LINGO2: variants seen among roughly 807,000 people sequenced by gnomAD.
The protein encoded by LINGO2 is leucine-rich repeat and immunoglobulin-like domain-containing nogo receptor-interacting protein 2.
In LINGO2, 14 loss-of-function variants were observed where a neutral mutation model predicts 30.6. The ratio of observed to expected loss-of-function variants is 0.46; its 90% CI spans 0.30 to 0.72. The LOEUF (loss-of-function observed/expected upper bound fraction) is 0.72, where lower values mean the gene tolerates loss of function less well. Among genes scored for constraint, LINGO2 ranks in the 30% least tolerant of loss-of-function variants. The pLI, the probability that LINGO2 is intolerant of heterozygous loss-of-function variation, is 0.07. For synonymous variants in LINGO2, 317 were observed against 288.5 expected (o/e 1.10, Z -1.00); for missense variants, 729 against 751.7 (o/e 0.97, Z 0.35).
chr9:27,963,891 C>A (rs1032733943), intron 5 of LINGO2, among the ~76,000 whole-genome samples: 2 of 151,952 alleles, frequency 1.3e-5, no homozygotes, highest in African/African-American at 4.8e-5. Context: ...TTGTATAAAA[C>A]ATTTTAAAAC....
the LINGO2 span, among the ~76,000 whole-genome samples, chr9:29,019,050 T>C: frequency 1.1e-3 from 174 of 152,312 alleles, no homozygotes; most frequent in African/African-American, 4.1e-3. Flanking sequence ...TTTTTAAGTA[T>C]ATAAAATATA....
intron 1 of LINGO2, among the ~76,000 whole-genome samples, chr9:28,505,080 A>C (rs1442287689): frequency 6.6e-6 from 1 of 151,930 alleles, no homozygotes; most frequent in Admixed American, 6.6e-5. Context: ...TGAAAAAATA[A>C]AGTTGGCTTT....
At chr9:28,724,637 A>G in the LINGO2 span, among the ~76,000 whole-genome samples, 2 of 152,136 alleles carry the variant, frequency 1.3e-5, no homozygotes, top group Non-Finnish European at 1.5e-5. Context: ...TCAACTCAGA[A>G]TAACTGTATC....
chr9:28,190,479 G>A (rs1282274096), intron 4 of LINGO2, among the ~76,000 whole-genome samples: 2 of 152,074 alleles, frequency 1.3e-5, no homozygotes, highest in Non-Finnish European at 2.9e-5. Flanking sequence ...ATTATGTCCT[G>A]AGAGCAGAGC....
At chr9:28,562,018 T>C (rs1256416541) in intron 1 of LINGO2, among the ~76,000 whole-genome samples, 3 of 151,826 alleles carry the variant, frequency 2.0e-5, no homozygotes, top group African/African-American at 4.8e-5. Flanking sequence ...TCTTGATGTA[T>C]CTGCAATAGC....
At chr9:29,007,175 C>T in the LINGO2 span, among the ~76,000 whole-genome samples, 10 of 151,904 alleles carry the variant, frequency 6.6e-5, no homozygotes. Flanking sequence ...TAAAGATATA[C>T]AAAATTGTAG....
the LINGO2 span, among the ~76,000 whole-genome samples, chr9:29,160,173 C>T: frequency 6.6e-6 from 1 of 152,224 alleles, no homozygotes; most frequent in Non-Finnish European, 1.5e-5. Flanking sequence ...AAGGCAATTG[C>T]ATTTCAAACA....
chr9:28,071,253 G>T (rs1825466901), intron 4 of LINGO2, among the ~76,000 whole-genome samples: 1 of 152,108 alleles, frequency 6.6e-6, no homozygotes, highest in Admixed American at 6.6e-5. Context: ...CAAGTGTGGT[G>T]CTCAGCTCTT....
chr9:28,243,492 C>A (rs980503853), intron 4 of LINGO2, among the ~76,000 whole-genome samples: 1 of 149,840 alleles, frequency 6.7e-6, no homozygotes, highest in South Asian at 2.1e-4. Flanking sequence ...AAGACACAGA[C>A]TGGCAAATTG....
intron 3 of LINGO2, among the ~76,000 whole-genome samples, chr9:28,367,343 T>A (rs1048047985): frequency 2.0e-5 from 3 of 152,178 alleles, no homozygotes; most frequent in African/African-American, 7.2e-5. Flanking sequence ...TATTGAACTG[T>A]ATTTGGTTTT....
chr9:28,213,924 C>T (rs1020749494), intron 4 of LINGO2, among the ~76,000 whole-genome samples: 6 of 151,432 alleles, frequency 4.0e-5, no homozygotes, highest in African/African-American at 1.5e-4. Flanking sequence ...ATTCAATCCT[C>T]AATTTTATAT....
the LINGO2 span, among the ~76,000 whole-genome samples, chr9:29,065,784 C>T: frequency 6.6e-6 from 1 of 151,652 alleles, no homozygotes; most frequent in African/African-American, 2.4e-5. Flanking sequence ...CCCATATAAG[C>T]GGAAATTCCC....
chr9:28,384,944 C>T lies in LINGO2; in HGVS notation c.-278-12076G>A, dbSNP rs570718378. ...CACTGTTTTCTTGTATCCAATGTTG[C>T]CCTCAAAAAATCTAAGGTTAATTTG... On this transcript the variant is annotated intron_variant, in intron 2 of 5. Coordinates refer to ENST00000379992, the Ensembl canonical transcript of LINGO2. Among the ~76,000 whole-genome samples the T allele has an allele frequency of 7.2e-5, 11 of 152,120 alleles. No individual in the cohort carries two copies. In the South Asian group the frequency reaches 2.1e-3, roughly 29 times the overall value.
chr9:28,450,703 C>T (rs182618422), intron 2 of LINGO2, among the ~76,000 whole-genome samples: 208 of 152,076 alleles, frequency 1.4e-3, no homozygotes, highest in Non-Finnish European at 2.1e-3. Context: ...TGCCGTATGT[C>T]AATACAGTAG....
intron 2 of LINGO2, among the ~76,000 whole-genome samples, chr9:28,467,043 G>A (rs559035470): frequency 6.6e-6 from 1 of 150,700 alleles, no homozygotes; most frequent in Non-Finnish European, 1.5e-5. Flanking sequence ...TTTGGGGGGG[G>A]GGGACGGAGT....
intron 1 of LINGO2, among the ~76,000 whole-genome samples, chr9:28,572,617 T>C (rs1823751397): frequency 6.6e-6 from 1 of 152,068 alleles, no homozygotes; most frequent in Non-Finnish European, 1.5e-5. Flanking sequence ...AATTTGAAAT[T>C]GAAGGATTTA....
At chr9:28,706,768 T>C in the LINGO2 span, among the ~76,000 whole-genome samples, 1 of 152,110 alleles carries the variant, frequency 6.6e-6, no homozygotes, top group African/African-American at 2.4e-5. Flanking sequence ...TGTGTATCAC[T>C]CATCCACCAT....
intron 1 of LINGO2, among the ~76,000 whole-genome samples, chr9:28,543,748 C>T (rs1398123815): frequency 6.6e-6 from 1 of 151,904 alleles, no homozygotes; most frequent in Non-Finnish European, 1.5e-5. Context: ...TATTTCCTTG[C>T]TTTTAATCAA....
the LINGO2 span, among the ~76,000 whole-genome samples, chr9:28,951,868 C>T: frequency 1.3e-5 from 2 of 152,048 alleles, no homozygotes; most frequent in Non-Finnish European, 2.9e-5. Flanking sequence ...CTTGTTAAAA[C>T]AACAAGTATG....
Sources: gnomAD v4.1 joint callset for allele counts (sites outside exome capture counted in the v4.1 genomes callset) on GRCh38, gnomAD v4.1.1 for gene constraint, MANE v1.5 for transcripts, NCBI Gene and HGNC (gene_info 2026-07-23, HGNC 2026-07-21) for gene names.